Variants in FOXN3 observed in about 807,000 individuals in gnomAD.
The protein encoded by FOXN3 is forkhead box N3.
FOXN3 carries 7 observed loss-of-function variants against 38.4 expected under a neutral mutation model. The observed-to-expected ratio is 0.18, with a 90% CI of 0.10 to 0.34. The LOEUF is 0.34. FOXN3 is among the 10% of genes least tolerant of loss of function. FOXN3 has a pLI of 1.00. For missense variants in FOXN3, 456 were observed against 613.4 expected, an observed-to-expected ratio of 0.74 and a Z score of 2.71; for synonymous variants, 230 against 242.2, an observed-to-expected ratio of 0.95 and a Z score of 0.47.
chr14:89,381,753 A>G (rs1354034001), intron 2 of FOXN3, among the ~76,000 whole-genome samples: 2 of 151,584 alleles, frequency 1.3e-5, no homozygotes, highest in Admixed American at 6.6e-5. Context: ...CCAGCTACTC[A>G]GGAGGCTGAG....
intron 1 of FOXN3, among the ~76,000 whole-genome samples, chr14:89,439,968 A>C (rs1892346976): frequency 1.3e-5 from 2 of 152,036 alleles, no homozygotes; most frequent in South Asian, 2.1e-4. Context: ...TTACTTTCTT[A>C]ATAAACTTGC....
At chr14:89,375,805 C>T (rs1176032376) in intron 2 of FOXN3, among the ~76,000 whole-genome samples, 2 of 152,100 alleles carry the variant, frequency 1.3e-5, no homozygotes, top group Non-Finnish European at 2.9e-5. Context: ...GTTTTGCTCT[C>T]GTTGCCCAGG....
chr14:89,562,228 T>G (rs965482094), intron 1 of FOXN3, among the ~76,000 whole-genome samples: 2 of 152,124 alleles, frequency 1.3e-5, no homozygotes, highest in African/African-American at 4.8e-5. Context: ...TGCAGGGTTT[T>G]TCCATTTCTT....
chr14:89,412,358 T>G lies in FOXN3; in HGVS notation c.119A>C (p.Asp40Ala), dbSNP rs772095230. ...GFSKALQEDD[D>A]LDFSLPDIRL... ...GATGTCAGGCAGAGAAAAGTCGAGG[T>G]CATCGTCTTCCTGAAGGGCCTTGGA... The change falls in exon 2 of 6, where the codon GAC (aspartate) becomes GCC (alanine). Residue 40 changes from aspartate (D) to alanine (A), a missense_variant. Asp to Ala is a moderately radical substitution (Grantham distance 126). This residue lies in a region of FOXN3 where 59 missense variants were observed against 69.0 expected (regional missense o/e 0.85). Coordinates refer to ENST00000557258, the MANE Select transcript of FOXN3 (RefSeq NM_005197.4). This position sits in a 1 kb window ranked among gnomAD's most constrained non-coding sequence, Gnocchi z 4.7. 3.3e-5 allele frequency: 54 copies of G among 1,613,952 alleles called. No individual in the cohort carries two copies. Among genetic ancestry groups the G allele is most frequent in the Non-Finnish European group, 4.5e-5 (53 of 1,180,022 alleles).
chr14:89,278,353 C>G (rs7149682), intron 4 of FOXN3, among the ~76,000 whole-genome samples: 101,658 of 151,974 alleles, frequency 0.67, 34,951 homozygotes, highest in Middle Eastern at 0.78. Context: ...CCCACAACAC[C>G]TAGGAATTAT....
chr14:89,298,884 G>A (rs57621725), intron 3 of FOXN3, among the ~76,000 whole-genome samples: 1 of 152,270 alleles, frequency 6.6e-6, no homozygotes, highest in African/African-American at 2.4e-5. Flanking sequence ...GAATCTTCTG[G>A]ACAATGTTCC....
At chr14:89,362,746 T>TCCACCACCACCA (rs71130063) in intron 2 of FOXN3, among the ~76,000 whole-genome samples, 1 of 1,568 alleles carries the variant, frequency 6.4e-4, no homozygotes, top group Non-Finnish European at 1.6e-3. Flanking sequence ...CACCACCATC[T>TCCACCACCACCA]CCACCACCAC....
At chr14:89,469,489 T>A (rs1218453049) in intron 1 of FOXN3, among the ~76,000 whole-genome samples, 1 of 152,248 alleles carries the variant, frequency 6.6e-6, no homozygotes, top group Admixed American at 6.5e-5. Context: ...TGTTTTTCTC[T>A]TATTCCTGTT....
At chr14:89,191,948 G>GTATATATATA (rs566312671) in intron 4 of FOXN3, among the ~76,000 whole-genome samples, 66 of 117,944 alleles carry the variant, frequency 5.6e-4, no homozygotes, top group African/African-American at 3.1e-3. Flanking sequence ...ACTGATATTA[G>GTATATATATA]TATATATATA....
intron 1 of FOXN3, among the ~76,000 whole-genome samples, chr14:89,555,881 G>GTGTGTGTGT (rs374731979): frequency 8.7e-6 from 1 of 115,580 alleles, no homozygotes; most frequent in Non-Finnish European, 2.0e-5. Context: ...GTGTGTATGT[G>GTGTGTGTGT]GGGGTGTATG....
chr14:89,449,409 C>A (rs1430228017), intron 1 of FOXN3, among the ~76,000 whole-genome samples: 1 of 152,210 alleles, frequency 6.6e-6, no homozygotes, highest in African/African-American at 2.4e-5. Flanking sequence ...AAATTCTTTT[C>A]TTTGTCTCAA....
At chr14:89,346,568 C>T (rs1888764691) in intron 3 of FOXN3, among the ~76,000 whole-genome samples, 1 of 152,172 alleles carries the variant, frequency 6.6e-6, no homozygotes, top group South Asian at 2.1e-4. Flanking sequence ...GCTGAAGTGC[C>T]AAATTTATGA....
At chr14:89,505,330 G>A (rs984495243) in intron 1 of FOXN3, among the ~76,000 whole-genome samples, 3 of 144,874 alleles carry the variant, frequency 2.1e-5, no homozygotes, top group East Asian at 2.3e-4. Flanking sequence ...GCCGAGCCGA[G>A]GCTGGACTGT....
At chr14:89,441,916 G>A (rs182267102) in intron 1 of FOXN3, among the ~76,000 whole-genome samples, 7 of 136,662 alleles carry the variant, frequency 5.1e-5, no homozygotes, top group Admixed American at 8.4e-5. Context: ...GGCTGAAACC[G>A]GCTGACTTTT....
At chr14:89,606,589 C>T (rs1896280946) in intron 1 of FOXN3, among the ~76,000 whole-genome samples, 1 of 152,178 alleles carries the variant, frequency 6.6e-6, no homozygotes, top group Non-Finnish European at 1.5e-5. Context: ...GTGGCTCATG[C>T]CTGTAATCCC....
At chr14:89,234,615 T>A (rs1482324810) in intron 4 of FOXN3, among the ~76,000 whole-genome samples, 1 of 149,114 alleles carries the variant, frequency 6.7e-6, no homozygotes, top group Non-Finnish European at 1.5e-5. Flanking sequence ...GTATGTGGCA[T>A]CCTCTCTCTC....
intron 4 of FOXN3, among the ~76,000 whole-genome samples, chr14:89,211,350 C>A (rs1316251809): frequency 1.3e-5 from 2 of 152,238 alleles, no homozygotes; most frequent in African/African-American, 4.8e-5. Flanking sequence ...GTGTATGCAA[C>A]TGTAGAAACC....
intron 1 of FOXN3, among the ~76,000 whole-genome samples, chr14:89,425,414 CT>C (rs1317794653): frequency 6.6e-6 from 1 of 151,274 alleles, no homozygotes; most frequent in African/African-American, 2.4e-5. Flanking sequence ...GTTGCCCAGG[CT>C]GGAGTGCAAT....
rs964235638 is a variant in FOXN3 at position 89,325,539 on chromosome 14, A to T, written c.680+25133T>A. 2.0e-5 allele frequency among the ~76,000 whole-genome samples: 3 copies of T among 152,216 alleles called. No homozygotes were observed. The East Asian group carries it at 5.8e-4, about 29-fold the overall frequency. ...AACAGTTCTAAATGGAGGGTGGAGA[A>T]CCACCCTCTTTGTTAAAGGGAAACA... On this transcript the variant is annotated intron_variant, in intron 3 of 5. Coordinates refer to ENST00000557258, the MANE Select transcript of FOXN3 (RefSeq NM_005197.4).
Sources: gnomAD v4.1 joint callset for allele counts (sites outside exome capture counted in the v4.1 genomes callset) on GRCh38, gnomAD v4.1.1 for gene constraint, gnomAD v4.1.1 regional missense constraint, Gnocchi (gnomAD v3.1) non-coding constraint, MANE v1.5 for transcripts, NCBI Gene and HGNC (gene_info 2026-07-23, HGNC 2026-07-21) for gene names.